CFTR: variants seen among roughly 807,000 people sequenced by gnomAD.
The protein encoded by CFTR is cystic fibrosis transmembrane conductance regulator.
In CFTR, 181 loss-of-function variants were observed where a neutral mutation model predicts 171.6. The ratio of observed to expected loss-of-function variants is 1.05; its 90% confidence interval spans 0.93 to 1.19. CFTR has a LOEUF of 1.19. Ranked by LOEUF, CFTR falls within the 50% of genes most tolerant of loss-of-function variation. The pLI is 0.00. For synonymous variants in CFTR, 583 were observed against 608.0 expected, an observed-to-expected ratio of 0.96 and a Z score of 0.60; for missense variants, 1,968 against 1,734.7, an observed-to-expected ratio of 1.13 and a Z score of -2.39.
At chr7:117,609,789 A>G (rs1477155827) in intron 18 of CFTR, among the ~76,000 whole-genome samples, 1 of 152,200 alleles carries the variant, frequency 6.6e-6, no homozygotes, top group Non-Finnish European at 1.5e-5. Flanking sequence ...TTAAATTAAT[A>G]TTCACTTAAA....
intron 2 of CFTR, among the ~76,000 whole-genome samples, chr7:117,506,858 T>C (rs988760101): frequency 1.3e-5 from 2 of 152,234 alleles, no homozygotes; most frequent in Admixed American, 6.5e-5. Context: ...ATAAAATTGG[T>C]ATTTGAAATT....
intron 10 of CFTR, among the ~76,000 whole-genome samples, chr7:117,549,683 T>C (rs929079280): frequency 1.3e-5 from 2 of 152,184 alleles, no homozygotes; most frequent in African/African-American, 4.8e-5. Flanking sequence ...TTGATTGTCA[T>C]TTTAGCTGTG....
chr7:117,666,961 C>CGA lies in CFTR; in HGVS notation c.4300_4301dup (p.Ser1435GlyfsTer14), dbSNP rs397508709. On this transcript the variant is annotated frameshift_variant, in exon 27 of 27. Transcript: ENST00000003084. LOFTEE classifies it high-confidence loss of function. ...ACGATTCCATCCAGAAACTGCTGAACGAGAGGAGCCTCTTCCGGCAAGCCA... is the reference window on the plus strand; with the variant it reads ...ACGATTCCATCCAGAAACTGCTGAACGAGAGAGGAGCCTCTTCCGGCAAGCCA... 8 of 1,613,908 alleles carry CGA rather than the reference C, an allele frequency of 5.0e-6. No homozygotes were observed. Among genetic ancestry groups the CGA allele is most frequent in the Non-Finnish European group, 6.8e-6 (8 of 1,179,996 alleles).
chr7:117,611,557 G>A (rs773907520), intron 19 of CFTR, 24 bp from the exon 20 acceptor site: 2 of 1,356,332 alleles, frequency 1.5e-6, no homozygotes, highest in Non-Finnish European at 2.1e-6. Context: ...TATTTGCAAT[G>A]TTTTCTATGG....
At position 117,612,023 on chromosome 7, in the gene CFTR, GTATATATA is replaced by G. The variant is rs772661286; in HGVS notation, c.3367+238_3367+245del. The stretch of plus-strand genomic sequence containing the variant: ...TGAAATCGGATATATATATATATAT[GTATATATA>G]TATATATATATATATATATATACAT... On this transcript the variant is annotated intron_variant, in intron 20 of 26. Coordinates refer to ENST00000003084, the MANE Select transcript of CFTR (RefSeq NM_000492.4). Among the ~76,000 whole-genome samples, 17 of 53,228 alleles carry G rather than the reference GTATATATA, an allele frequency of 3.2e-4. 1 individual carries two copies. Among genetic ancestry groups the G allele is most frequent in the South Asian group, 1.8e-3 (3 of 1,702 alleles). 34.9% of individuals were successfully genotyped at this position (53,228 alleles called of 152,430 possible).
chr7:117,609,184 G>C (rs1792345342), intron 18 of CFTR, among the ~76,000 whole-genome samples: 1 of 152,030 alleles, frequency 6.6e-6, no homozygotes. Flanking sequence ...ACAATGTTCT[G>C]ACAAATTTGC....
At chr7:117,511,164 C>G (rs1271357288) in intron 3 of CFTR, among the ~76,000 whole-genome samples, 1 of 152,130 alleles carries the variant, frequency 6.6e-6, no homozygotes, top group East Asian at 1.9e-4. Flanking sequence ...GGCTACAGAG[C>G]TTGAAGGCTG....
chr7:117,595,010 G>A lies in CFTR; in HGVS notation c.2571G>A (p.Lys857=), dbSNP rs397508398. The change falls in exon 15 of 27, where the codon AAG becomes AAA. Residue 857 remains lysine, a synonymous_variant. Coordinates refer to ENST00000003084, the MANE Select transcript of CFTR (RefSeq NM_000492.4). ...NTYLRYITVH[K]SLIFVLIWCL... is the part of the protein sequence containing the mutation. ...ACCTTCGATATATTACTGTCCACAA[G>A]AGCTTAATTTTTGTGCTAATTTGGT... 3 of 1,612,982 alleles carry A rather than the reference G, an allele frequency of 1.9e-6. No homozygotes were observed. The highest frequency in any genetic ancestry group is 1.3e-5 in the African/African-American group (1 of 74,976).
chr7:117,587,006 TTC>T (rs1309149314), intron 11 of CFTR, among the ~76,000 whole-genome samples: 2 of 152,202 alleles, frequency 1.3e-5, no homozygotes, highest in Admixed American at 1.3e-4. Context: ...ATGACTTACC[TTC>T]TAAATTAGAC....
intron 24 of CFTR, among the ~76,000 whole-genome samples, chr7:117,664,291 C>T (rs1412148979): frequency 6.6e-6 from 1 of 152,098 alleles, no homozygotes; most frequent in Admixed American, 6.6e-5. Flanking sequence ...TACTAGAGGG[C>T]ATATCTGCAA....
At chr7:117,562,113 G>C (rs1210649472) in intron 11 of CFTR, among the ~76,000 whole-genome samples, 1 of 152,174 alleles carries the variant, frequency 6.6e-6, no homozygotes, top group African/African-American at 2.4e-5. Flanking sequence ...CCATTCAGTA[G>C]AGACTAGCTT....
intron 23 of CFTR, among the ~76,000 whole-genome samples, chr7:117,643,171 G>C (rs898853468): frequency 3.3e-5 from 5 of 152,054 alleles, no homozygotes; most frequent in African/African-American, 7.2e-5. Context: ...AGCACTTCTT[G>C]TATATGAGAG....
chr7:117,550,726 A>T (rs1455495313), intron 10 of CFTR, among the ~76,000 whole-genome samples: 1 of 152,198 alleles, frequency 6.6e-6, no homozygotes, highest in Non-Finnish European at 1.5e-5. Context: ...CTTACTGGCA[A>T]TTAAATTTCA....
At chr7:117,499,511 T>G (rs540576002) in intron 1 of CFTR, among the ~76,000 whole-genome samples, 2 of 147,304 alleles carry the variant, frequency 1.4e-5, no homozygotes, top group South Asian at 2.2e-4. Flanking sequence ...CTGAAATCTC[T>G]TATAGTTAAG....
chr7:117,635,645 A>G (rs963038687), intron 22 of CFTR, among the ~76,000 whole-genome samples: 5 of 152,024 alleles, frequency 3.3e-5, no homozygotes, highest in African/African-American at 1.2e-4. Flanking sequence ...GGTTGCCCCT[A>G]GAGTTTGCAA....
chr7:117,608,488 T>C (rs79046358), intron 18 of CFTR, among the ~76,000 whole-genome samples: 4,227 of 152,286 alleles, frequency 0.028, 88 homozygotes, highest in Non-Finnish European at 0.049. Context: ...GCTGGAATTA[T>C]AGGTGTGAGC....
At chr7:117,583,320 C>A (rs571265739) in intron 11 of CFTR, among the ~76,000 whole-genome samples, 1 of 151,898 alleles carries the variant, frequency 6.6e-6, no homozygotes, top group Non-Finnish European at 1.5e-5. Flanking sequence ...TTTATCCCCC[C>A]CCCGCTCCAC....
At chr7:117,550,312 A>G (rs980702977) in intron 10 of CFTR, among the ~76,000 whole-genome samples, 1 of 150,440 alleles carries the variant, frequency 6.6e-6, no homozygotes, top group Non-Finnish European at 1.5e-5. Flanking sequence ...ACTGTACCCT[A>G]GCCTAGGTGA....
chr7:117,593,065 G>A (rs1386968328), intron 14 of CFTR, among the ~76,000 whole-genome samples: 2 of 152,102 alleles, frequency 1.3e-5, no homozygotes, highest in Non-Finnish European at 2.9e-5. Flanking sequence ...GCATATATAA[G>A]GTATATAAAC....
Sources: allele counts gnomAD v4.1 joint callset (sites outside exome capture counted in the v4.1 genomes callset), GRCh38; gene constraint gnomAD v4.1.1; transcripts MANE v1.5; gene names NCBI Gene and HGNC (gene_info 2026-07-23, HGNC 2026-07-21).